SNRPN: variants seen among roughly 807,000 people sequenced by gnomAD.
SNRPN encodes small nuclear ribonucleoprotein polypeptide N, also known as small nuclear ribonucleoprotein-associated protein N.
SNRPN carries 7 observed loss-of-function variants against 25.2 expected under a neutral mutation model. That is an observed-to-expected ratio of 0.28 (90% CI 0.16 to 0.52). The LOEUF is 0.52. Among genes scored for constraint, SNRPN ranks in the 20% least tolerant of loss-of-function variants. The pLI is 0.96. For synonymous variants in SNRPN, 124 were observed against 110.6 expected, an observed-to-expected ratio of 1.12 and a Z score of -0.76; for missense variants, 196 against 322.5, an observed-to-expected ratio of 0.61 and a Z score of 3.00.
intron 3 of SNRPN, among the ~76,000 whole-genome samples, chr15:24,931,205 C>T (rs1191674870): frequency 2.0e-5 from 3 of 152,136 alleles, no homozygotes; most frequent in Non-Finnish European, 4.4e-5. Flanking sequence ...TTGCCTGGCA[C>T]AACATTTCCT....
At chr15:24,934,378 T>C (rs1174041799) in intron 3 of SNRPN, among the ~76,000 whole-genome samples, 2 of 141,028 alleles carry the variant, frequency 1.4e-5, no homozygotes, top group African/African-American at 4.9e-5. Flanking sequence ...AATTTCACGG[T>C]CCATAAGTGA....
intron 2 of SNRPN, among the ~76,000 whole-genome samples, chr15:24,908,094 A>C (rs184610568): frequency 6.6e-6 from 1 of 151,530 alleles, no homozygotes; most frequent in East Asian, 1.9e-4. Context: ...AGAAAGAAAG[A>C]AAGCACAGAG....
chr15:24,907,553 G>A (rs1053159266), intron 2 of SNRPN, among the ~76,000 whole-genome samples: 5 of 151,970 alleles, frequency 3.3e-5, no homozygotes, highest in Non-Finnish European at 5.9e-5. Context: ...AGCCGAGATC[G>A]TGCCACTGCA....
At chr15:24,959,157 A>G (rs963922120) in intron 1 of SNRPN, among the ~76,000 whole-genome samples, 1 of 152,202 alleles carries the variant, frequency 6.6e-6, no homozygotes, top group Non-Finnish European at 1.5e-5. Flanking sequence ...TCTGAGGGCA[A>G]ACATTTAACA....
intron 3 of SNRPN, among the ~76,000 whole-genome samples, chr15:24,941,133 T>C (rs2061528308): frequency 6.6e-6 from 1 of 152,132 alleles, no homozygotes; most frequent in Non-Finnish European, 1.5e-5. Flanking sequence ...CACACTACCA[T>C]GCCTGGCTAA....
intron 3 of SNRPN, 151 bp downstream of exon 3, chr15:24,968,233 A>C: frequency 1.7e-6 from 1 of 571,470 alleles, no homozygotes; most frequent in Non-Finnish European, 3.1e-6. Flanking sequence ...GTTTTGCAGG[A>C]CCTTAAATTT....
At chr15:24,913,341 C>T (rs1391054596) in intron 2 of SNRPN, among the ~76,000 whole-genome samples, 3 of 152,042 alleles carry the variant, frequency 2.0e-5, no homozygotes, top group African/African-American at 7.2e-5. Context: ...GAATCATGCC[C>T]ACTCAAGAAA....
chr15:24,864,784 T>G (rs12904117), intron 1 of SNRPN, among the ~76,000 whole-genome samples: 102 of 152,106 alleles, frequency 6.7e-4, no homozygotes, highest in Middle Eastern at 6.8e-3. Flanking sequence ...CTCTTGAGAT[T>G]TCTTGCATCA....
Position 24,857,542 on chromosome 15 carries a change from ATTAG to A in SNRPN, c.-579+831_-579+834del, listed in dbSNP as rs1393086638. On this transcript the variant is annotated intron_variant, in intron 1 of 11. Coordinates refer to the SNRPN transcript ENST00000400097. Reference sequence around the variant, plus strand: ...TTACAGTCCTTATTGATTTTCTGTTATTAGTTAGCATTTTTTAAGTTTTCATGCT... The same window carrying A: ...TTACAGTCCTTATTGATTTTCTGTTATTAGCATTTTTTAAGTTTTCATGCT... Among the ~76,000 whole-genome samples, 6 of 151,658 alleles carry A rather than the reference ATTAG, an allele frequency of 4.0e-5. No homozygotes were observed. In the East Asian group the frequency reaches 9.8e-4, roughly 25 times the overall value.
At chr15:24,906,481 C>A (rs1009743098) in intron 2 of SNRPN, among the ~76,000 whole-genome samples, 2 of 152,108 alleles carry the variant, frequency 1.3e-5, no homozygotes, top group Admixed American at 1.3e-4. Flanking sequence ...GATTGGAAAA[C>A]AAATGGGTAT....
intron 3 of SNRPN, among the ~76,000 whole-genome samples, chr15:24,969,334 C>T: frequency 6.6e-6 from 1 of 152,050 alleles, no homozygotes; most frequent in East Asian, 1.9e-4. Flanking sequence ...TCACCATGTT[C>T]TCCAGGCTGG....
chr15:24,971,319 G>A (rs1162969274), intron 3 of SNRPN, among the ~76,000 whole-genome samples: 2 of 152,026 alleles, frequency 1.3e-5, no homozygotes, highest in Non-Finnish European at 2.9e-5. Context: ...TTGTTTTCTT[G>A]TGCTGTAAAG....
In SNRPN at chr15:24,909,207, C is replaced by T. The variant is rs966290280; in HGVS notation, c.-504-10804C>T. 1.2e-5 allele frequency: 18 copies of T among 1,515,526 alleles called. No homozygotes were observed. The South Asian group carries it at 1.2e-4, about 10-fold the overall frequency. 93.9% of individuals were successfully genotyped at this position (1,515,526 alleles called of 1,614,324 possible). On this transcript the variant is annotated intron_variant, in intron 2 of 11. Transcript: ENST00000400097. ...TCTTCCATTAAGTAGCACATGTAATCGGCAACATTCTGGCCCATGATGTGC... is the reference window on the plus strand; with the variant it reads ...TCTTCCATTAAGTAGCACATGTAATTGGCAACATTCTGGCCCATGATGTGC...
chr15:24,942,198 A>T (rs573548605), intron 3 of SNRPN: 1 of 152,156 alleles, frequency 6.6e-6, no homozygotes, highest in Admixed American at 6.5e-5. Flanking sequence ...GGGACAGGAA[A>T]CACAAATTTT....
intron 2 of SNRPN, among the ~76,000 whole-genome samples, chr15:24,893,208 AAAAC>A (rs113345707): frequency 2.4e-4 from 33 of 140,360 alleles, no homozygotes; most frequent in South Asian, 1.3e-3. Flanking sequence ...ACTCTGTCTC[AAAAC>A]AAACAAACAA....
chr15:24,832,631 C>T (rs766099496), intron 2 of SNRPN, among the ~76,000 whole-genome samples: 14 of 151,958 alleles, frequency 9.2e-5, no homozygotes, highest in Admixed American at 2.0e-4. Flanking sequence ...TCCCTTTCCA[C>T]GCAATGGAAG....
chr15:24,872,885 AAAAAAAAAAAAT>A (rs1183328564), intron 1 of SNRPN, among the ~76,000 whole-genome samples: 3 of 87,496 alleles, frequency 3.4e-5, no homozygotes, highest in Admixed American at 1.2e-4. Context: ...AAAAAAAAAA[AAAAAAAAAAAAT>A]AGTTTTCCTC....
At chr15:24,925,681 C>T (rs578235955) in intron 3 of SNRPN, among the ~76,000 whole-genome samples, 3 of 152,072 alleles carry the variant, frequency 2.0e-5, no homozygotes, top group South Asian at 2.1e-4. Flanking sequence ...AATCTCCAAG[C>T]GATCCTCCCA....
intron 3 of SNRPN, among the ~76,000 whole-genome samples, chr15:24,940,054 T>A (rs1036417544): frequency 2.0e-5 from 3 of 152,200 alleles, no homozygotes; most frequent in African/African-American, 7.2e-5. Context: ...CCTCCCCAAA[T>A]GCTAGGCTTA....
Sources: gnomAD v4.1 joint callset for allele counts (sites outside exome capture counted in the v4.1 genomes callset) on GRCh38, gnomAD v4.1.1 for gene constraint, MANE v1.5 for transcripts, NCBI Gene and HGNC (gene_info 2026-07-23, HGNC 2026-07-21) for gene names.